PCDHGA9: variants seen among roughly 807,000 people sequenced by gnomAD.
The protein encoded by PCDHGA9 is protocadherin gamma-A9.
In PCDHGA9, 37 loss-of-function variants were observed where a neutral mutation model predicts 62.5. The observed-to-expected ratio is 0.59, with a 90% CI of 0.46 to 0.78. The LOEUF (loss-of-function observed/expected upper bound fraction) is 0.78, where lower values mean the gene tolerates loss of function less well. PCDHGA9 is among the 30% of genes least tolerant of loss of function. The pLI is 0.00. For missense variants in PCDHGA9, 1,138 were observed against 1,166.2 expected, an observed-to-expected ratio of 0.98 and a Z score of 0.35; for synonymous variants, 459 against 484.6, an observed-to-expected ratio of 0.95 and a Z score of 0.69.
Position 141,414,954 on chromosome 5 carries a change from C to T in PCDHGA9, c.2424+9578C>T, listed in dbSNP as rs759955017. ...CCGCAGAGCCCGGCTACCTGGTGAC[C>T]AAGGTGGTGGCGGTGGACAGAGACT... On this transcript the variant is annotated intron_variant, in intron 1 of 3. Coordinates refer to ENST00000573521, the MANE Select transcript of PCDHGA9 (RefSeq NM_018921.3). 10 of 1,614,058 alleles carry T rather than the reference C, an allele frequency of 6.2e-6. No individual in the cohort carries two copies. The Admixed American group carries it at 1.7e-4, about 27-fold the overall frequency.
rs2099664737 is a variant in PCDHGA9, at chr5:141,487,754, G to GTAGAC, written c.2425-7052_2425-7048dup. 1 of 1,552,036 alleles carries GTAGAC rather than the reference G, an allele frequency of 6.4e-7. No homozygotes were observed. The highest frequency in any genetic ancestry group is 1.4e-5 in the African/African-American group (1 of 73,242). ...CATTTTTGTAAGAGGTAACTATGTG[G>GTAGAC]TAGACGCTGTGCTTTGTAACTGTTT... On this transcript the variant is annotated intron_variant, in intron 1 of 3. Transcript: ENST00000573521. This position sits in a 1 kb window ranked among gnomAD's most constrained non-coding sequence, Gnocchi z 5.0.
At chr5:141,451,170 A>G (rs960062747) in intron 1 of PCDHGA9, among the ~76,000 whole-genome samples, 8 of 152,148 alleles carry the variant, frequency 5.3e-5, no homozygotes, top group East Asian at 3.9e-4. Flanking sequence ...GTAGTATATT[A>G]TTTAGCCATT....
At position 141,487,080 on chromosome 5, in the gene PCDHGA9, C is replaced by G. The variant is rs2154580766; in HGVS notation, c.2425-7727C>G. 1 of 1,614,126 alleles carries G rather than the reference C, an allele frequency of 6.2e-7. No individual in the cohort carries two copies. Among genetic ancestry groups the G allele is most frequent in the East Asian group, 2.2e-5 (1 of 44,872 alleles). On this transcript the variant is annotated intron_variant, in intron 1 of 3. Coordinates refer to ENST00000573521, the MANE Select transcript of PCDHGA9 (RefSeq NM_018921.3). This position sits in a 1 kb window ranked among gnomAD's most constrained non-coding sequence, Gnocchi z 5.0. ...GTGCGGACGGCTGTTCCTATCCCAG[C>G]TGACCTCCCACCACAGAAGCTGGTC...
At chr5:141,421,173 C>A in intron 1 of PCDHGA9, 2 of 1,377,172 alleles carry the variant, frequency 1.5e-6, no homozygotes, top group Non-Finnish European at 9.7e-7. Context: ...GATACATAAG[C>A]CGATTCACAA....
At chr5:141,502,140 G>A (rs534984161) in intron 2 of PCDHGA9, among the ~76,000 whole-genome samples, 1 of 152,268 alleles carries the variant, frequency 6.6e-6, no homozygotes, top group South Asian at 2.1e-4. Context: ...CAGTCGGGCC[G>A]GAAGTAAGGA....
In PCDHGA9 at chr5:141,477,292, A is replaced by G; in HGVS notation, c.2425-17515A>G. The G allele has an allele frequency of 1.2e-6, 2 of 1,614,114 alleles. No individual in the cohort carries two copies. The highest frequency in any genetic ancestry group is 4.5e-5 in the East Asian group (2 of 44,862). On this transcript the variant is annotated intron_variant, in intron 1 of 3. Transcript: ENST00000573521. The surrounding 1 kb of genome is among the most constrained non-coding windows in gnomAD (Gnocchi z 4.9). ...ACGGGCTGGTGACCTGCGAAGTTCCACCGGGTCTCCCTTTCAGCCTTACTT... is the reference window on the plus strand; with the variant it reads ...ACGGGCTGGTGACCTGCGAAGTTCCGCCGGGTCTCCCTTTCAGCCTTACTT...
chr5:141,446,528 G>A (rs2098505974), intron 1 of PCDHGA9, among the ~76,000 whole-genome samples: 1 of 151,952 alleles, frequency 6.6e-6, no homozygotes, highest in South Asian at 2.1e-4. Flanking sequence ...CCAGGCTGGA[G>A]TGCAGTGGCC....
intron 1 of PCDHGA9, chr5:141,479,660 A>G (rs1206947602): frequency 6.6e-6 from 1 of 152,266 alleles, no homozygotes; most frequent in African/African-American, 2.4e-5. Flanking sequence ...ACAATCCCAG[A>G]AACTACAAAA....
intron 1 of PCDHGA9, among the ~76,000 whole-genome samples, chr5:141,446,167 G>A (rs1357034077): frequency 6.6e-6 from 1 of 152,188 alleles, no homozygotes; most frequent in African/African-American, 2.4e-5. Flanking sequence ...ATTTCATGAG[G>A]GCAGGGGGTG....
intron 1 of PCDHGA9, among the ~76,000 whole-genome samples, chr5:141,462,023 A>T (rs927945421): frequency 1.3e-5 from 2 of 152,112 alleles, no homozygotes; most frequent in African/African-American, 4.8e-5. Flanking sequence ...GGGTTTCTTC[A>T]TGTTGGTCAG....
chr5:141,409,351 G>T, intron 1 of PCDHGA9: 1 of 1,613,982 alleles, frequency 6.2e-7, no homozygotes, highest in South Asian at 1.1e-5. Flanking sequence ...GAGAAGTCAG[G>T]TGTAATATAG....
chr5:141,476,236 AAG>A lies in PCDHGA9; in HGVS notation c.2425-18565_2425-18564del. ...TCATTCACTATGAGATCCCGGAGGA[AAG>A]AGAGAAGGGTTTCGCTGTGGGCAAC... is the stretch of plus-strand genomic sequence containing the variant. On this transcript the variant is annotated intron_variant, in intron 1 of 3. Transcript: ENST00000573521. The surrounding 1 kb of genome is among the most constrained non-coding windows in gnomAD (Gnocchi z 7.6). 2.5e-6 allele frequency: 4 copies of A among 1,613,980 alleles called. No individual in the cohort carries two copies. Among genetic ancestry groups the A allele is most frequent in the Non-Finnish European group, 3.4e-6 (4 of 1,180,004 alleles).
Position 141,511,344 on chromosome 5 carries a change from T to G in PCDHGA9, c.*171T>G, listed in dbSNP as rs2099883730. 3 of 1,419,052 alleles carry G rather than the reference T, an allele frequency of 2.1e-6. No homozygotes were observed. Among genetic ancestry groups the G allele is most frequent in the Non-Finnish European group, 2.8e-6 (3 of 1,067,404 alleles). 87.9% of individuals were successfully genotyped at this position (1,419,052 alleles called of 1,614,324 possible). On this transcript the variant is annotated 3_prime_UTR_variant, in exon 4 of 4. Coordinates refer to ENST00000573521, the MANE Select transcript of PCDHGA9 (RefSeq NM_018921.3). The stretch of plus-strand genomic sequence containing the variant: ...CAAGTGCCCAGTCAGCACCTACCCC[T>G]TCCCCCCCAGGGGGTTGAATATGCA...
chr5:141,410,712 T>C (rs776042818), intron 1 of PCDHGA9: 2 of 1,437,800 alleles, frequency 1.4e-6, no homozygotes, highest in Non-Finnish European at 1.9e-6. Context: ...TCTAGAATCA[T>C]ATGTTTAAAA....
chr5:141,446,353 T>C (rs1278613929), intron 1 of PCDHGA9, among the ~76,000 whole-genome samples: 2 of 152,176 alleles, frequency 1.3e-5, no homozygotes, highest in Non-Finnish European at 2.9e-5. Flanking sequence ...AAGCTACCAT[T>C]TGATGAGAAT....
intron 1 of PCDHGA9, among the ~76,000 whole-genome samples, chr5:141,470,714 T>C (rs1416956410): frequency 1.3e-5 from 2 of 152,152 alleles, no homozygotes; most frequent in Non-Finnish European, 2.9e-5. Context: ...TTTTATTTTT[T>C]TGAGTCAGGG....
chr5:141,451,582 T>C (rs1361047985), intron 1 of PCDHGA9, among the ~76,000 whole-genome samples: 1 of 152,012 alleles, frequency 6.6e-6, no homozygotes, highest in Non-Finnish European at 1.5e-5. Flanking sequence ...TAAACCTAAT[T>C]TTGAAAGTGA....
chr5:141,409,165 G>T (rs2095233723), intron 1 of PCDHGA9: 1 of 1,613,886 alleles, frequency 6.2e-7, no homozygotes, highest in Admixed American at 1.7e-5. Flanking sequence ...AAGTGGAAGC[G>T]AAGGACGGAG....
chr5:141,440,693 C>T (rs2098194597), intron 1 of PCDHGA9: 1 of 152,136 alleles, frequency 6.6e-6, no homozygotes, highest in Non-Finnish European at 1.5e-5. Context: ...GTAAAAGTGA[C>T]CAACAGTGGA....
Sources: gnomAD v4.1 joint callset for allele counts (sites outside exome capture counted in the v4.1 genomes callset) on GRCh38, gnomAD v4.1.1 for gene constraint, Gnocchi (gnomAD v3.1) non-coding constraint, MANE v1.5 for transcripts, NCBI Gene and HGNC (gene_info 2026-07-23, HGNC 2026-07-21) for gene names.